DCAF8L2: variants seen among roughly 807,000 people sequenced by gnomAD.
DCAF8L2 encodes DDB1- and CUL4-associated factor 8-like protein 2.
For missense variants in DCAF8L2, 430 were observed against 490.7 expected, an observed-to-expected ratio of 0.88 and a Z score of 1.17; for synonymous variants, 200 against 190.9, an observed-to-expected ratio of 1.05 and a Z score of -0.39.
rs199545541 is a variant in DCAF8L2, at chrX:27,722,640, TTGTC to T, written c.-59+6473_-59+6476del. ...AAGTTGAACCATTGTAAGTTGAGGATTGTCTGTGTGTGTGTGTATGTGTGCATGT... is the reference window on the plus strand; with the variant it reads ...AAGTTGAACCATTGTAAGTTGAGGATTGTGTGTGTGTGTATGTGTGCATGT... On this transcript the variant is annotated intron_variant, in intron 4 of 4. Transcript: ENST00000451261. 1.7e-4 allele frequency among the ~76,000 whole-genome samples: 19 copies of T among 110,975 alleles called. 1 individual carries two copies. The East Asian group carries it at 5.4e-3, about 31-fold the overall frequency.
At chrX:27,586,939 TATC>T (rs1284388746), upstream of DCAF8L2, among the ~76,000 whole-genome samples, 4 of 111,327 alleles carry the variant, frequency 3.6e-5, no homozygotes, top group African/African-American at 1.3e-4. Flanking sequence ...CTTTTGGAAA[TATC>T]ATTTGATTTC....
intron 4 of DCAF8L2, among the ~76,000 whole-genome samples, chrX:27,726,084 A>G (rs1051652259): frequency 1.8e-5 from 2 of 111,633 alleles, no homozygotes; most frequent in East Asian, 5.6e-4. Flanking sequence ...GATAACTTAT[A>G]TCACAACATA....
chrX:27,649,926 T>A (rs1194668350), intron 2 of DCAF8L2, among the ~76,000 whole-genome samples: 3 of 111,868 alleles, frequency 2.7e-5, no homozygotes, highest in African/African-American at 9.8e-5. Flanking sequence ...AGGATTCTTA[T>A]AGTTTGAGGT....
At chrX:27,567,661 A>T in the DCAF8L2 span, among the ~76,000 whole-genome samples, 1 of 101,725 alleles carries the variant, frequency 9.8e-6, no homozygotes, top group Non-Finnish European at 2.0e-5. Context: ...CAATTCTAGA[A>T]TTATATGATA....
At chrX:27,694,104 T>A (rs780365922) in intron 3 of DCAF8L2, among the ~76,000 whole-genome samples, 1 of 111,552 alleles carries the variant, frequency 9.0e-6, no homozygotes, top group Admixed American at 9.6e-5. Context: ...CTAATTAATG[T>A]AGGAACAGAA....
chrX:27,475,728 T>C, the DCAF8L2 span, among the ~76,000 whole-genome samples: 1 of 112,117 alleles, frequency 8.9e-6, no homozygotes, highest in African/African-American at 3.2e-5. Flanking sequence ...AGAAAATGGA[T>C]TTCATGCTCA....
chrX:27,736,926 T>A (rs1302479807), intron 4 of DCAF8L2, among the ~76,000 whole-genome samples: 1 of 111,650 alleles, frequency 9.0e-6, no homozygotes, highest in African/African-American at 3.3e-5. Flanking sequence ...ACAGATTGCA[T>A]GAAGAAGCAG....
At chrX:27,594,008 T>C (rs1350508122) in intron 1 of DCAF8L2, among the ~76,000 whole-genome samples, 3 of 112,367 alleles carry the variant, frequency 2.7e-5, no homozygotes, top group Non-Finnish European at 3.8e-5. Context: ...TAAATTTTTT[T>C]ATAATAAAGT....
At chrX:27,587,985 A>AAAATATATATATAT, upstream of DCAF8L2, among the ~76,000 whole-genome samples, 2 of 22,365 alleles carry the variant, frequency 8.9e-5, no homozygotes, top group African/African-American at 2.0e-4. Flanking sequence ...TAAAAAAAAA[A>AAAATATATATATAT]ATATATATAT....
At chrX:27,586,095 A>G (rs1330404999), upstream of DCAF8L2, among the ~76,000 whole-genome samples, 1 of 110,788 alleles carries the variant, frequency 9.0e-6, no homozygotes, top group Non-Finnish European at 1.9e-5. Context: ...GCTGTCCCTC[A>G]GCCTGGAACA....
intron 1 of DCAF8L2, among the ~76,000 whole-genome samples, chrX:27,613,460 T>C (rs1927291167): frequency 9.0e-6 from 1 of 111,416 alleles, no homozygotes; most frequent in African/African-American, 3.3e-5. Flanking sequence ...TGCTGCCTGA[T>C]TGCCCTGGCC....
At chrX:27,494,570 C>T in the DCAF8L2 span, among the ~76,000 whole-genome samples, 4 of 112,248 alleles carry the variant, frequency 3.6e-5, no homozygotes, top group African/African-American at 1.3e-4. Flanking sequence ...GTTCTAGTTT[C>T]TCCACATCTT....
the DCAF8L2 span, among the ~76,000 whole-genome samples, chrX:27,572,135 T>C: frequency 1.8e-5 from 2 of 112,386 alleles, no homozygotes; most frequent in Non-Finnish European, 3.8e-5. Context: ...TACTACTTTT[T>C]CTGTATGCTC....
At chrX:27,684,530 C>T (rs1404529246) in intron 3 of DCAF8L2, among the ~76,000 whole-genome samples, 2 of 111,332 alleles carry the variant, frequency 1.8e-5, no homozygotes, top group African/African-American at 6.5e-5. Flanking sequence ...TGAGACTAGT[C>T]CAGAGACTGA....
At chrX:27,564,203 A>G in the DCAF8L2 span, among the ~76,000 whole-genome samples, 8 of 111,035 alleles carry the variant, frequency 7.2e-5, no homozygotes, top group African/African-American at 2.6e-4. Flanking sequence ...AGAAGTGTCA[A>G]GCAAAAGGGG....
chrX:27,622,754 T>C (rs983767662), intron 1 of DCAF8L2, among the ~76,000 whole-genome samples: 1 of 109,682 alleles, frequency 9.1e-6, no homozygotes, highest in Admixed American at 9.8e-5. Flanking sequence ...AGGAAATAAC[T>C]ACCATACAAT....
chrX:27,684,964 C>T (rs113508361), intron 3 of DCAF8L2, among the ~76,000 whole-genome samples: 86 of 111,349 alleles, frequency 7.7e-4, no homozygotes, highest in African/African-American at 2.4e-3. Context: ...AATGTCAACT[C>T]ATGTTTACTT....
At chrX:27,476,285 C>T in the DCAF8L2 span, among the ~76,000 whole-genome samples, 1 of 110,370 alleles carries the variant, frequency 9.1e-6, no homozygotes, top group African/African-American at 3.3e-5. Context: ...AAAAAGTTAC[C>T]GAAATCTTAG....
intron 1 of DCAF8L2, 85 bp from the exon 2 acceptor site, chrX:27,631,794 C>T (rs1418937667): frequency 8.9e-6 from 1 of 111,986 alleles, no homozygotes; most frequent in Non-Finnish European, 1.9e-5. Flanking sequence ...CCTTTAAATT[C>T]GTAGTAAACT....
Sources: gnomAD v4.1 joint callset for allele counts (sites outside exome capture counted in the v4.1 genomes callset) on GRCh38, gnomAD v4.1.1 for gene constraint, MANE v1.5 for transcripts, NCBI Gene and HGNC (gene_info 2026-07-23, HGNC 2026-07-21) for gene names.